ME1: variants seen among roughly 807,000 people sequenced by gnomAD.
The protein encoded by ME1 is malic enzyme 1, also known as NADP-dependent malic enzyme.
Under a neutral mutation model 66.4 loss-of-function variants are expected in ME1, and 74 were observed. The observed-to-expected ratio is 1.11, with a 90% confidence interval of 0.92 to 1.35. ME1 has a LOEUF of 1.35. Ranked by LOEUF, ME1 falls within the 40% of genes most tolerant of loss-of-function variation. The pLI is 0.00. For missense variants in ME1, 750 were observed against 694.1 expected (o/e 1.08, Z -0.90); for synonymous variants, 251 against 235.6 (o/e 1.07, Z -0.60).
intron 6 of ME1, among the ~76,000 whole-genome samples, chr6:83,305,476 T>G (rs112962620): frequency 6.6e-6 from 1 of 152,114 alleles, no homozygotes; most frequent in Non-Finnish European, 1.5e-5. Flanking sequence ...AGCTAATATA[T>G]GAAAAAGATT....
intron 10 of ME1, among the ~76,000 whole-genome samples, chr6:83,228,013 A>G (rs1790230886): frequency 6.6e-6 from 1 of 152,256 alleles, no homozygotes; most frequent in Admixed American, 6.5e-5. Flanking sequence ...TTAAACACTT[A>G]GTAAAGTTCC....
chr6:83,253,805 A>G, intron 6 of ME1, 67 bp from the exon 7 acceptor site: 1 of 791,368 alleles, frequency 1.3e-6, no homozygotes, highest in Non-Finnish European at 2.1e-6. Context: ...AACTTTTAAA[A>G]TTAGCCCATA....
At chr6:83,305,515 G>A (rs1330791585) in intron 6 of ME1, among the ~76,000 whole-genome samples, 1 of 152,074 alleles carries the variant, frequency 6.6e-6, no homozygotes, top group Admixed American at 6.6e-5. Context: ...ATTTCTGGGA[G>A]AAGAATATTT....
At chr6:83,383,190 G>T (rs184923312) in intron 3 of ME1, among the ~76,000 whole-genome samples, 1 of 151,738 alleles carries the variant, frequency 6.6e-6, no homozygotes, top group East Asian at 1.9e-4. Context: ...TTCTCTGGAG[G>T]ACTCTTACTA....
At position 83,352,146 on chromosome 6, in the gene ME1, A is replaced by G. The variant is rs78112751; in HGVS notation, c.363-7T>C. ...GATAGTAATAAAGAGACCTCTGCAG[A>G]AAAAAAAAAAAAAAAAGGAGTAGTT... On this transcript the variant is annotated splice_region_variant and splice_polypyrimidine_tract_variant and intron_variant, in intron 3 of 13. Transcript: ENST00000369705. 1.4e-5 allele frequency: 4 copies of G among 292,668 alleles called. No individual in the cohort carries two copies. Among genetic ancestry groups the G allele is most frequent in the Admixed American group, 1.5e-4 (1 of 6,798 alleles). 18.1% of individuals were successfully genotyped at this position (292,668 alleles called of 1,614,324 possible). A position where few individuals can be genotyped will look rare whatever the true frequency, so the allele number is the denominator to read the frequency against.
intron 3 of ME1, among the ~76,000 whole-genome samples, chr6:83,353,458 G>T (rs1236435925): frequency 1.3e-5 from 2 of 151,984 alleles, no homozygotes; most frequent in Non-Finnish European, 2.9e-5. Flanking sequence ...GGTTGATATA[G>T]AAAAAGGAAA....
intron 11 of ME1, among the ~76,000 whole-genome samples, chr6:83,226,463 A>G (rs182458394): frequency 6.6e-6 from 1 of 152,260 alleles, no homozygotes; most frequent in African/African-American, 2.4e-5. Context: ...GGACTACTGA[A>G]TAATGTGAGG....
At chr6:83,274,138 T>G (rs1467202904) in intron 6 of ME1, among the ~76,000 whole-genome samples, 7 of 152,206 alleles carry the variant, frequency 4.6e-5, no homozygotes, top group Admixed American at 4.6e-4. Context: ...TGAAACTATT[T>G]TATGCTTGCT....
At chr6:83,212,739 A>G (rs1036426445) in intron 13 of ME1, among the ~76,000 whole-genome samples, 1 of 152,114 alleles carries the variant, frequency 6.6e-6, no homozygotes, top group African/African-American at 2.4e-5. Context: ...TCTGCACATT[A>G]TACTTTTTTC....
At chr6:83,265,482 G>A (rs1766972744) in intron 6 of ME1, among the ~76,000 whole-genome samples, 1 of 151,788 alleles carries the variant, frequency 6.6e-6, no homozygotes, top group Non-Finnish European at 1.5e-5. Context: ...TTAATGTTTT[G>A]TAGAGACAAG....
intron 6 of ME1, among the ~76,000 whole-genome samples, chr6:83,258,463 A>C (rs1246867208): frequency 3.3e-5 from 5 of 152,184 alleles, no homozygotes; most frequent in Non-Finnish European, 1.5e-5. Flanking sequence ...AATTCTACAT[A>C]ACTATGAAAA....
intron 1 of ME1, among the ~76,000 whole-genome samples, chr6:83,426,955 T>A (rs975819077): frequency 1.3e-5 from 2 of 152,224 alleles, no homozygotes; most frequent in African/African-American, 4.8e-5. Flanking sequence ...AAAATAGGCA[T>A]GATTATTTTA....
Position 83,210,945 on chromosome 6 carries a change from G to A in ME1, c.*979C>T, listed in dbSNP as rs2128521776. 6.6e-6 allele frequency: 1 copy of A among 152,262 alleles called. No homozygotes were observed. Among genetic ancestry groups the A allele is most frequent in the East Asian group, 1.9e-4 (1 of 5,184 alleles). The allele number at this position is 152,262 out of a possible 1,614,324, so 9.4% of individuals were successfully genotyped here. ...ATACTTTCTCCAAATTCAGGCAAAAGCAAGATGATTATAACACAGTTAGCT... is the reference window on the plus strand; with the variant it reads ...ATACTTTCTCCAAATTCAGGCAAAAACAAGATGATTATAACACAGTTAGCT... On this transcript the variant is annotated 3_prime_UTR_variant, in exon 14 of 14. Coordinates refer to ENST00000369705, the MANE Select transcript of ME1 (RefSeq NM_002395.6).
intron 6 of ME1, among the ~76,000 whole-genome samples, chr6:83,275,559 G>C (rs1226684485): frequency 2.2e-5 from 3 of 134,454 alleles, no homozygotes; most frequent in Non-Finnish European, 3.1e-5. Flanking sequence ...TCCGCCTCCC[G>C]GGTTCATGCC....
intron 8 of ME1, 108 bp downstream of exon 8, chr6:83,239,431 A>G: frequency 1.4e-6 from 1 of 714,142 alleles, no homozygotes; most frequent in Non-Finnish European, 2.4e-6. Context: ...GCCTACAGTC[A>G]TAATATACTA....
chr6:83,257,119 C>T (rs1022051537), intron 6 of ME1, among the ~76,000 whole-genome samples: 1 of 151,938 alleles, frequency 6.6e-6, no homozygotes, highest in African/African-American at 2.4e-5. Flanking sequence ...TGCAGCAAAC[C>T]ACCATGGCGC....
intron 6 of ME1, among the ~76,000 whole-genome samples, chr6:83,269,517 T>C (rs977516625): frequency 6.6e-6 from 1 of 152,134 alleles, no homozygotes; most frequent in Non-Finnish European, 1.5e-5. Flanking sequence ...ACTAAGACAA[T>C]GCATAAGTCA....
At chr6:83,272,116 C>T (rs147440619) in intron 6 of ME1, among the ~76,000 whole-genome samples, 5 of 152,254 alleles carry the variant, frequency 3.3e-5, no homozygotes, top group African/African-American at 1.2e-4. Flanking sequence ...CTGTTAAATA[C>T]TACTCATTCT....
intron 1 of ME1, among the ~76,000 whole-genome samples, chr6:83,421,229 C>A (rs1032414040): frequency 3.3e-5 from 5 of 151,740 alleles, no homozygotes; most frequent in African/African-American, 1.2e-4. Flanking sequence ...ACACAATAAT[C>A]TTTATTATTA....
Sources: allele counts gnomAD v4.1 joint callset (sites outside exome capture counted in the v4.1 genomes callset), GRCh38; gene constraint gnomAD v4.1.1; transcripts MANE v1.5; gene names NCBI Gene and HGNC (gene_info 2026-07-23, HGNC 2026-07-21).